Variants in SOX6 observed in about 807,000 individuals in gnomAD.
SOX6 encodes transcription factor SOX-6.
Under a neutral mutation model 97.8 loss-of-function variants are expected in SOX6, and 11 were observed. The observed-to-expected ratio is 0.11, with a 90% CI of 0.07 to 0.19. The LOEUF is 0.19. Ranked by LOEUF, SOX6 falls within the 10% of genes least tolerant of loss-of-function variation. The probability of loss-of-function intolerance (pLI) is 1.00; values close to 1 mark genes in which losing one functional copy is unlikely to be tolerated. For synonymous variants in SOX6, 360 were observed against 371.4 expected, an observed-to-expected ratio of 0.97 and a Z score of 0.35; for missense variants, 810 against 1,039.5, an observed-to-expected ratio of 0.78 and a Z score of 3.04.
intron 9 of SOX6, among the ~76,000 whole-genome samples, chr11:16,092,985 T>G (rs2133969997): frequency 6.6e-6 from 1 of 152,072 alleles, no homozygotes; most frequent in Non-Finnish European, 1.5e-5. Context: ...TAACATTCTT[T>G]TTGACTTACT....
intron 4 of SOX6, among the ~76,000 whole-genome samples, chr11:16,204,278 C>G (rs936282668): frequency 2.6e-5 from 4 of 152,098 alleles, no homozygotes; most frequent in Admixed American, 6.6e-5. Context: ...AGGCTAATAT[C>G]TGAGAATAAA....
intron 1 of SOX6, among the ~76,000 whole-genome samples, chr11:16,411,970 T>A (rs974508983): frequency 1.3e-5 from 2 of 152,198 alleles, no homozygotes; most frequent in Admixed American, 6.5e-5. Context: ...AAGTACTCTG[T>A]CCAATTCCTG....
chr11:16,097,484 T>C lies in SOX6; in HGVS notation c.978+125A>G, dbSNP rs1295345639. 5.6e-5 allele frequency: 45 copies of C among 808,892 alleles called. No individual in the cohort carries two copies. In the Admixed American group the frequency reaches 7.5e-4, roughly 13 times the overall value. The allele number at this position is 808,892 out of a possible 1,614,324, so 50.1% of individuals were successfully genotyped here. ...GCATTACGATAAGCAAATAAGGTGT[T>C]AATCCTTCTGGGCTATGCTTAAAAA... On this transcript the variant is annotated intron_variant, in intron 8 of 15. Transcript: ENST00000683767.
Position 15,973,073 on chromosome 11 carries a change from A to G in SOX6, c.2223T>C (p.Val741=), listed in dbSNP as rs1853366152. The G allele has an allele frequency of 1.2e-6, 2 of 1,614,084 alleles. No homozygotes were observed. Among genetic ancestry groups the G allele is most frequent in the African/African-American group, 2.7e-5 (2 of 74,944 alleles). The change falls in exon 16 of 16, where the codon GTT becomes GTC. Residue 741 remains valine (V), a synonymous_variant. Transcript: ENST00000683767. Reference sequence around the variant, plus strand: ...CCATAGTGATAGCACCAGGATACACAACACCTGTTCCTGTGGTGATTGGAA... The same window carrying G: ...CCATAGTGATAGCACCAGGATACACGACACCTGTTCCTGTGGTGATTGGAA... ...PQIPITTGTG[V]VYPGAITMAT...
At chr11:16,034,325 C>T (rs986533247) in intron 12 of SOX6, among the ~76,000 whole-genome samples, 11 of 152,250 alleles carry the variant, frequency 7.2e-5, no homozygotes, top group Admixed American at 1.3e-4. Context: ...ATGCTGTTGA[C>T]ATTATTTATA....
chr11:16,525,626 A>G (rs1329405191), intron 4 of SOX6, among the ~76,000 whole-genome samples: 2 of 151,818 alleles, frequency 1.3e-5, no homozygotes, highest in Non-Finnish European at 2.9e-5. Flanking sequence ...GCCAAAATTG[A>G]CAAATGGGAT....
At position 16,613,675 on chromosome 11, in the gene SOX6, T is replaced by G. The variant is rs1848430050; in HGVS notation, n.430-1415A>C. Among the ~76,000 whole-genome samples the G allele has an allele frequency of 6.6e-6, 1 of 152,066 alleles. No individual in the cohort carries two copies. Among genetic ancestry groups the G allele is most frequent in the Non-Finnish European group, 1.5e-5 (1 of 68,002 alleles). ...CACAGACACGCGCGTATTCTGAAAT[T>G]CTGGCCGAACTCCTCATCTAAACGG... On this transcript the variant is annotated intron_variant and non_coding_transcript_variant, in intron 3 of 5. Transcript: ENST00000524520. This position sits in a 1 kb window ranked among gnomAD's most constrained non-coding sequence, Gnocchi z 4.6.
chr11:16,707,249 T>C (rs1380695776), intron 3 of SOX6, among the ~76,000 whole-genome samples: 1 of 152,092 alleles, frequency 6.6e-6, no homozygotes, highest in Non-Finnish European at 1.5e-5. Flanking sequence ...AGAAATAAGA[T>C]ATAGTTAGTT....
At chr11:16,645,653 T>C (rs2134008851) in intron 3 of SOX6, among the ~76,000 whole-genome samples, 1 of 152,320 alleles carries the variant, frequency 6.6e-6, no homozygotes, top group East Asian at 1.9e-4. Context: ...GAATGCCATA[T>C]GGCAACAAAG....
At chr11:16,301,775 G>A (rs1363519849) in intron 3 of SOX6, among the ~76,000 whole-genome samples, 3 of 152,036 alleles carry the variant, frequency 2.0e-5, no homozygotes, top group African/African-American at 7.2e-5. Context: ...ATAATTTGAA[G>A]TGAGTATCTA....
At chr11:16,235,167 A>G (rs1434944597) in intron 3 of SOX6, among the ~76,000 whole-genome samples, 1 of 152,020 alleles carries the variant, frequency 6.6e-6, no homozygotes, top group African/African-American at 2.4e-5. Flanking sequence ...AAAATATCCA[A>G]TTAAAGCAAA....
At chr11:16,072,163 A>G (rs968666521) in intron 9 of SOX6, among the ~76,000 whole-genome samples, 1 of 152,206 alleles carries the variant, frequency 6.6e-6, no homozygotes, top group Non-Finnish European at 1.5e-5. Context: ...AACATTCAGG[A>G]GAAAGTCAAA....
At chr11:16,673,194 G>A (rs1215550563) in intron 3 of SOX6, among the ~76,000 whole-genome samples, 1 of 152,060 alleles carries the variant, frequency 6.6e-6, no homozygotes, top group African/African-American at 2.4e-5. Context: ...ACCTAACAAT[G>A]TGTCTTAAAG....
At chr11:16,391,815 G>A (rs1315793396) in intron 1 of SOX6, among the ~76,000 whole-genome samples, 1 of 151,972 alleles carries the variant, frequency 6.6e-6, no homozygotes, top group Admixed American at 6.6e-5. Context: ...CTGAGTGCTA[G>A]GTGCCTTTAT....
At chr11:16,385,822 C>A (rs767784690) in intron 1 of SOX6, among the ~76,000 whole-genome samples, 1 of 152,134 alleles carries the variant, frequency 6.6e-6, no homozygotes, top group Non-Finnish European at 1.5e-5. Flanking sequence ...TGAATTGAGT[C>A]CAAAGGAGAA....
At chr11:16,069,302 G>A (rs1436759941) in intron 9 of SOX6, among the ~76,000 whole-genome samples, 2 of 152,204 alleles carry the variant, frequency 1.3e-5, no homozygotes, top group African/African-American at 4.8e-5. Flanking sequence ...TTGGTGAACA[G>A]TAAGTAGAAT....
intron 8 of SOX6, among the ~76,000 whole-genome samples, chr11:16,097,187 T>C (rs965217168): frequency 1.3e-5 from 2 of 151,848 alleles, no homozygotes; most frequent in African/African-American, 4.8e-5. Context: ...ATCATGTAAT[T>C]TGAAAATAAC....
At chr11:16,264,077 GT>G (rs766623948) in intron 3 of SOX6, among the ~76,000 whole-genome samples, 4 of 151,744 alleles carry the variant, frequency 2.6e-5, no homozygotes, top group Non-Finnish European at 5.9e-5. Flanking sequence ...ATGTTTGTTT[GT>G]TTGTATATTT....
chr11:16,699,722 CAT>C (rs1260166313), intron 3 of SOX6, among the ~76,000 whole-genome samples: 2 of 151,982 alleles, frequency 1.3e-5, no homozygotes. Context: ...CAATAAGACA[CAT>C]ACAAATACTT....
Sources: allele counts gnomAD v4.1 joint callset (sites outside exome capture counted in the v4.1 genomes callset), GRCh38; gene constraint gnomAD v4.1.1; non-coding constraint Gnocchi (gnomAD v3.1); transcripts MANE v1.5; gene names NCBI Gene and HGNC (gene_info 2026-07-23, HGNC 2026-07-21).